Variants in RGS6 observed in about 807,000 individuals in gnomAD.
The protein encoded by RGS6 is regulator of G protein signaling 6, also known as regulator of G-protein signaling 6.
A neutral mutation model predicts 78.5 loss-of-function variants in RGS6; 30 were observed. The ratio of observed to expected loss-of-function variants is 0.38; its 90% CI spans 0.29 to 0.52. The LOEUF (loss-of-function observed/expected upper bound fraction) is 0.52. Ranked by LOEUF, RGS6 falls within the 20% of genes least tolerant of loss-of-function variation. The pLI is 0.85. For synonymous variants in RGS6, 206 were observed against 206.0 expected (o/e 1.00, Z 0.00); for missense variants, 495 against 609.7 (o/e 0.81, Z 1.98).
At chr14:72,318,751 A>C (rs1240530299) in intron 2 of RGS6, among the ~76,000 whole-genome samples, 2 of 152,332 alleles carry the variant, frequency 1.3e-5, no homozygotes, top group African/African-American at 4.8e-5. Flanking sequence ...GAAAATGGCA[A>C]GGGTATTGCA....
At chr14:72,127,472 T>C (rs1345718126) in intron 2 of RGS6, among the ~76,000 whole-genome samples, 2 of 152,210 alleles carry the variant, frequency 1.3e-5, no homozygotes, top group Non-Finnish European at 2.9e-5. Flanking sequence ...ATTCTTAAGC[T>C]GGGTTTCATT....
intron 2 of RGS6, among the ~76,000 whole-genome samples, chr14:72,224,688 C>T (rs569725140): frequency 2.6e-5 from 4 of 152,156 alleles, no homozygotes; most frequent in South Asian, 2.1e-4. Flanking sequence ...TGATGAAAGG[C>T]GTGGAACTTG....
At chr14:72,138,614 G>C (rs1179313498) in intron 2 of RGS6, among the ~76,000 whole-genome samples, 1 of 151,976 alleles carries the variant, frequency 6.6e-6, no homozygotes, top group African/African-American at 2.4e-5. Context: ...CACAGCAGGA[G>C]GTGAGCAGTG....
chr14:71,872,972 C>T, the RGS6 span, among the ~76,000 whole-genome samples: 1 of 152,176 alleles, frequency 6.6e-6, no homozygotes, highest in Admixed American at 6.5e-5. Context: ...GACATGAACT[C>T]AACCTTTTTT....
chr14:72,409,292 C>A (rs970445268), intron 3 of RGS6, among the ~76,000 whole-genome samples: 2 of 152,170 alleles, frequency 1.3e-5, no homozygotes, highest in African/African-American at 4.8e-5. Flanking sequence ...TACCCAGCAG[C>A]ATGGGTAGTG....
intron 17 of RGS6, among the ~76,000 whole-genome samples, chr14:72,556,323 T>TA (rs533509621): frequency 1.4e-4 from 21 of 152,174 alleles, no homozygotes; most frequent in South Asian, 8.3e-4. Flanking sequence ...TATTAACACT[T>TA]AAAAAACCAT....
At chr14:71,896,999 G>A in the RGS6 span, among the ~76,000 whole-genome samples, 1 of 152,170 alleles carries the variant, frequency 6.6e-6, no homozygotes, top group Non-Finnish European at 1.5e-5. Context: ...TCTCTACTCA[G>A]CACCTGTTCT....
At chr14:71,991,172 C>T (rs1241809359) in intron 2 of RGS6, among the ~76,000 whole-genome samples, 1 of 152,222 alleles carries the variant, frequency 6.6e-6, no homozygotes, top group East Asian at 1.9e-4. Flanking sequence ...TTCTCTGCCA[C>T]ATAGCTTATC....
chr14:72,236,055 C>T (rs1040102752), intron 2 of RGS6, among the ~76,000 whole-genome samples: 2 of 152,192 alleles, frequency 1.3e-5, no homozygotes, highest in Admixed American at 6.5e-5. Flanking sequence ...TGTATTCTTA[C>T]AGCAGCTGTG....
At chr14:72,526,322 G>T (rs373685905) in intron 15 of RGS6, among the ~76,000 whole-genome samples, 2 of 152,002 alleles carry the variant, frequency 1.3e-5, no homozygotes, top group Non-Finnish European at 2.9e-5. Context: ...AGCCAGGATG[G>T]TCTCGATCTC....
chr14:71,884,190 C>G, the RGS6 span, among the ~76,000 whole-genome samples: 1 of 152,198 alleles, frequency 6.6e-6, no homozygotes, highest in Non-Finnish European at 1.5e-5. Flanking sequence ...TGTGTTGTTT[C>G]CCTATCCAAA....
intron 3 of RGS6, among the ~76,000 whole-genome samples, chr14:72,436,753 G>A (rs3784046): frequency 0.013 from 2,025 of 152,280 alleles, 56 homozygotes; most frequent in East Asian, 0.085. Context: ...GACCTAAAAA[G>A]TAACCAAACA....
chr14:72,392,065 C>T (rs1596658891), intron 3 of RGS6, among the ~76,000 whole-genome samples: 1 of 152,108 alleles, frequency 6.6e-6, no homozygotes, highest in African/African-American at 2.4e-5. Context: ...GTCACCCAGA[C>T]TGGAGTACAG....
At chr14:72,509,767 T>C (rs1329252527) in intron 13 of RGS6, among the ~76,000 whole-genome samples, 1 of 152,126 alleles carries the variant, frequency 6.6e-6, no homozygotes, top group Non-Finnish European at 1.5e-5. Flanking sequence ...AGGTGGAGGA[T>C]AGTGTGTTTT....
At chr14:72,557,563 A>C (rs2097598461) in intron 17 of RGS6, among the ~76,000 whole-genome samples, 1 of 151,536 alleles carries the variant, frequency 6.6e-6, no homozygotes, top group Admixed American at 6.6e-5. Context: ...GTCTCCCCCA[A>C]CCCCACCCCA....
At chr14:72,174,075 T>C (rs913501793) in intron 2 of RGS6, among the ~76,000 whole-genome samples, 5 of 151,934 alleles carry the variant, frequency 3.3e-5, no homozygotes, top group African/African-American at 9.7e-5. Flanking sequence ...CCCCTTGTGC[T>C]CCTGCACTCC....
intron 3 of RGS6, among the ~76,000 whole-genome samples, chr14:72,381,152 C>T (rs758753329): frequency 6.6e-6 from 1 of 151,866 alleles, no homozygotes; most frequent in Non-Finnish European, 1.5e-5. Context: ...GCAGAGGATA[C>T]TAGAGGTTGA....
intron 2 of RGS6, among the ~76,000 whole-genome samples, chr14:72,323,175 A>G (rs2072586893): frequency 6.6e-6 from 1 of 152,164 alleles, no homozygotes; most frequent in African/African-American, 2.4e-5. Context: ...ATAAACAATA[A>G]GGAAATACAC....
intron 2 of RGS6, among the ~76,000 whole-genome samples, chr14:72,248,739 A>ATT (rs2054870409): frequency 6.6e-6 from 1 of 152,204 alleles, no homozygotes; most frequent in South Asian, 2.1e-4. Flanking sequence ...TCTTTGGGCC[A>ATT]TTGACATCTG....
Sources: allele counts gnomAD v4.1 joint callset (sites outside exome capture counted in the v4.1 genomes callset), GRCh38; gene constraint gnomAD v4.1.1; transcripts MANE v1.5; gene names NCBI Gene and HGNC (gene_info 2026-07-23, HGNC 2026-07-21).